HS3ST3B1: variants seen among roughly 807,000 people sequenced by gnomAD.
The protein encoded by HS3ST3B1 is heparan sulfate glucosamine 3-O-sulfotransferase 3B1.
A neutral mutation model predicts 21.3 loss-of-function variants in HS3ST3B1; 13 were observed. That is an observed-to-expected ratio of 0.61 (90% CI 0.40 to 0.97). The LOEUF (loss-of-function observed/expected upper bound fraction) is 0.97. HS3ST3B1 is among the 50% of genes least tolerant of loss of function. HS3ST3B1 has a pLI of 0.00. For missense variants in HS3ST3B1, 459 were observed against 554.8 expected, an observed-to-expected ratio of 0.83 and a Z score of 1.73; for synonymous variants, 234 against 254.8, an observed-to-expected ratio of 0.92 and a Z score of 0.78.
chr17:14,304,085 G>T (rs548852378), intron 1 of HS3ST3B1: 1 of 152,314 alleles, frequency 6.6e-6, no homozygotes, highest in South Asian at 2.1e-4. Flanking sequence ...GCCTGCAGCG[G>T]ACAGCGCAGC....
rs1910573302 is a variant in HS3ST3B1, at chr17:14,346,258, T to TC, written c.*612_*613insC. 1 of 145,512 alleles carries TC rather than the reference T, an allele frequency of 6.9e-6. No individual in the cohort carries two copies. The highest frequency in any genetic ancestry group is 2.3e-4 in the South Asian group (1 of 4,284). 9.0% of individuals were successfully genotyped at this position (145,512 alleles called of 1,614,324 possible). ...CATCCTTTTTTTTTCTTTTTTTTTT[T>TC]TTTTTTTTTTTGAGATGGAGTCTTG... On this transcript the variant is annotated 3_prime_UTR_variant, in exon 2 of 2. Transcript: ENST00000360954.
Position 14,346,954 on chromosome 17 carries a change from T to C in HS3ST3B1, c.*1308T>C, listed in dbSNP as rs1173660778. 1 of 152,170 alleles carries C rather than the reference T, an allele frequency of 6.6e-6. No individual in the cohort carries two copies. The highest frequency in any genetic ancestry group is 1.5e-5 in the Non-Finnish European group (1 of 68,086). The allele number at this position is 152,170 out of a possible 1,614,324, so 9.4% of individuals were successfully genotyped here. A position where few individuals can be genotyped will look rare whatever the true frequency, so the allele number is the denominator to read the frequency against. Reference sequence around the variant, plus strand: ...AGCCAGCCAGTGTTGGGCAGCAGGCTCACAGCCTCAATAGGGAGAAAAGAC... The same window carrying C: ...AGCCAGCCAGTGTTGGGCAGCAGGCCCACAGCCTCAATAGGGAGAAAAGAC... On this transcript the variant is annotated 3_prime_UTR_variant, in exon 2 of 2. Coordinates refer to ENST00000360954, the MANE Select transcript of HS3ST3B1 (RefSeq NM_006041.3).
At chr17:14,309,767 A>C (rs935926516) in intron 1 of HS3ST3B1, among the ~76,000 whole-genome samples, 1 of 151,990 alleles carries the variant, frequency 6.6e-6, no homozygotes, top group Non-Finnish European at 1.5e-5. Flanking sequence ...TGTTCTCCGA[A>C]TGTTCGGCTC....
At chr17:14,344,394 T>C (rs1245383365) in intron 1 of HS3ST3B1, among the ~76,000 whole-genome samples, 4 of 152,244 alleles carry the variant, frequency 2.6e-5, no homozygotes, top group Non-Finnish European at 4.4e-5. Flanking sequence ...TCTAGAGTTG[T>C]GTCTTGGGAA....
intron 1 of HS3ST3B1, among the ~76,000 whole-genome samples, chr17:14,344,809 A>G (rs1216729511): frequency 6.6e-6 from 1 of 152,210 alleles, no homozygotes; most frequent in African/African-American, 2.4e-5. Context: ...TCTACCTTGC[A>G]TGAAGGGGCC....
chr17:14,343,196 C>T (rs560729625), intron 1 of HS3ST3B1, among the ~76,000 whole-genome samples: 9 of 151,038 alleles, frequency 6.0e-5, no homozygotes, highest in African/African-American at 1.5e-4. Flanking sequence ...GAGCCGAGAT[C>T]GCACCACTGC....
At chr17:14,340,568 C>T (rs1043005789) in intron 1 of HS3ST3B1, among the ~76,000 whole-genome samples, 3 of 152,030 alleles carry the variant, frequency 2.0e-5, no homozygotes, top group African/African-American at 7.2e-5. Flanking sequence ...ATTTAACAAG[C>T]GTGATTAATT....
At position 14,302,006 on chromosome 17, in the gene HS3ST3B1, T is replaced by A. The variant is rs904546496; in HGVS notation, c.488T>A (p.Val163Glu). The A allele has an allele frequency of 3.1e-6, 5 of 1,609,396 alleles. No homozygotes were observed. The highest frequency in any genetic ancestry group is 4.2e-6 in the Non-Finnish European group (5 of 1,179,162). Residue 163 changes from valine to glutamate, a missense_variant, in exon 1 of 2, where the codon GTG (valine) becomes GAG (glutamate). Val to Glu is a moderately radical substitution (Grantham distance 121). This residue lies in a region of HS3ST3B1 where 317 missense variants were observed against 278.6 expected (regional missense o/e 1.14). Transcript: ENST00000360954. ...LLEFLRVHPDVRAVGAEPHFF... is the reference protein window; with the variant it reads ...LLEFLRVHPDERAVGAEPHFF... ...GAGTTTCTGCGCGTGCACCCCGACG[T>A]GCGCGCCGTGGGCGCCGAGCCCCAT...
At chr17:14,317,118 G>A (rs1307468223) in intron 1 of HS3ST3B1, among the ~76,000 whole-genome samples, 2 of 152,196 alleles carry the variant, frequency 1.3e-5, no homozygotes, top group Non-Finnish European at 2.9e-5. Context: ...TCTATTGCAT[G>A]TACTCGACTA....
intron 1 of HS3ST3B1, chr17:14,327,242 T>A (rs1567640704): frequency 6.6e-6 from 1 of 152,316 alleles, no homozygotes. Context: ...GAATGCAAAC[T>A]AACTTTAATA....
intron 1 of HS3ST3B1, among the ~76,000 whole-genome samples, chr17:14,321,952 CATT>C (rs1909670592): frequency 6.6e-6 from 1 of 151,638 alleles, no homozygotes; most frequent in South Asian, 2.1e-4. Flanking sequence ...ACATCACCAT[CATT>C]ATCATCATCA....
chr17:14,340,259 C>G (rs554817675), intron 1 of HS3ST3B1, among the ~76,000 whole-genome samples: 205 of 152,288 alleles, frequency 1.3e-3, no homozygotes, highest in African/African-American at 4.7e-3. Flanking sequence ...ACTCCTCACC[C>G]TTGATATCTT....
intron 1 of HS3ST3B1, among the ~76,000 whole-genome samples, chr17:14,306,859 C>A (rs539715361): frequency 1.5e-4 from 23 of 151,972 alleles, no homozygotes; most frequent in African/African-American, 5.1e-4. Flanking sequence ...TTGTATGCAA[C>A]AATTTGAAAT....
chr17:14,301,491 T>A lies in HS3ST3B1; in HGVS notation c.-28T>A. ...GGGACCCACGCCATGTGCTGAGCCA[T>A]GTCCCTGGCCGCGCCCGCGGGCAGC... On this transcript the variant is annotated 5_prime_UTR_variant, in exon 1 of 2. An upstream start codon of the reference 5' UTR is lost. Coordinates refer to ENST00000360954, the MANE Select transcript of HS3ST3B1 (RefSeq NM_006041.3). 1 of 1,479,332 alleles carries A rather than the reference T, an allele frequency of 6.8e-7. No homozygotes were observed. The allele number at this position is 1,479,332 out of a possible 1,614,324, so 91.6% of individuals were successfully genotyped here. A position where few individuals can be genotyped will look rare whatever the true frequency, so the allele number is the denominator to read the frequency against.
chr17:14,312,249 T>C (rs1378809561), intron 1 of HS3ST3B1, among the ~76,000 whole-genome samples: 1 of 152,104 alleles, frequency 6.6e-6, no homozygotes, highest in African/African-American at 2.4e-5. Flanking sequence ...AGAGATTGCC[T>C]AAGGTCATAC....
At position 14,312,973 on chromosome 17, in the gene HS3ST3B1, C is replaced by T. The variant is rs1288838976; in HGVS notation, c.554+10901C>T. Among the ~76,000 whole-genome samples, 11 of 148,350 alleles carry T rather than the reference C, an allele frequency of 7.4e-5. No homozygotes were observed. The South Asian group carries it at 8.7e-4, about 12-fold the overall frequency. ...AGGCTGGAGTGCAATGGAATGATCTCGGCTCACTGCAACCTCTGCCACCTG... is the reference window on the plus strand; with the variant it reads ...AGGCTGGAGTGCAATGGAATGATCTTGGCTCACTGCAACCTCTGCCACCTG... On this transcript the variant is annotated intron_variant, in intron 1 of 1. Coordinates refer to ENST00000360954, the MANE Select transcript of HS3ST3B1 (RefSeq NM_006041.3).
At chr17:14,340,002 C>T (rs777334118) in intron 1 of HS3ST3B1, among the ~76,000 whole-genome samples, 6 of 152,098 alleles carry the variant, frequency 3.9e-5, no homozygotes, top group South Asian at 2.1e-4. Flanking sequence ...CAGGACTGCG[C>T]GGTTGTAGGG....
Position 14,302,026 on chromosome 17 carries a change from C to T in HS3ST3B1, c.508C>T (p.Pro170Ser). 1.2e-6 allele frequency: 2 copies of T among 1,608,276 alleles called. No individual in the cohort carries two copies. The highest frequency in any genetic ancestry group is 1.1e-5 in the South Asian group (1 of 90,674). ...CGACGTGCGCGCCGTGGGCGCCGAGCCCCATTTCTTCGATCGCAGCTACGA... is the reference window on the plus strand; with the variant it reads ...CGACGTGCGCGCCGTGGGCGCCGAGTCCCATTTCTTCGATCGCAGCTACGA... ...HPDVRAVGAEPHFFDRSYDKG... is the reference protein window; with the variant it reads ...HPDVRAVGAESHFFDRSYDKG... Residue 170 changes from proline (P) to serine (S), a missense_variant, in exon 1 of 2, where the codon CCC becomes TCC. Pro to Ser is a moderately conservative substitution (Grantham distance 74). Around this residue, in one of 3 missense-constraint regions of HS3ST3B1, gnomAD observed 317 missense variants for 278.6 expected, o/e 1.14. Coordinates refer to ENST00000360954, the MANE Select transcript of HS3ST3B1 (RefSeq NM_006041.3).
At position 14,346,247 on chromosome 17, in the gene HS3ST3B1, CTTTTTTTTTTTTTTTTTT is replaced by C. The variant is rs71352467; in HGVS notation, c.*606_*623del. On this transcript the variant is annotated 3_prime_UTR_variant, in exon 2 of 2. Transcript: ENST00000360954. ...AGGGACATCCACATCCTTTTTTTTT[CTTTTTTTTTTTTTTTTTT>C]TTTTGAGATGGAGTCTTGCTCTTGT... 1 of 90,338 alleles carries C rather than the reference CTTTTTTTTTTTTTTTTTT, an allele frequency of 1.1e-5. No homozygotes were observed. The allele number at this position is 90,338 out of a possible 1,614,324, so 5.6% of individuals were successfully genotyped here. A position where few individuals can be genotyped will look rare whatever the true frequency, so the allele number is the denominator to read the frequency against.
Sources: gnomAD v4.1 joint callset for allele counts (sites outside exome capture counted in the v4.1 genomes callset) on GRCh38, gnomAD v4.1.1 for gene constraint, gnomAD v4.1.1 regional missense constraint, MANE v1.5 for transcripts, NCBI Gene and HGNC (gene_info 2026-07-23, HGNC 2026-07-21) for gene names.